The following RIMS2 variants were observed in gnomAD, a reference collection of about 807,000 sequenced individuals.
RIMS2 encodes the protein regulating synaptic membrane exocytosis protein 2.
Under a neutral mutation model 174.4 loss-of-function variants are expected in RIMS2, and 59 were observed. That is an observed-to-expected ratio of 0.34 (90% CI 0.27 to 0.42). The LOEUF (loss-of-function observed/expected upper bound fraction) is 0.42, where lower values mean the gene tolerates loss of function less well. Ranked by LOEUF, RIMS2 falls within the 10% of genes least tolerant of loss-of-function variation. The pLI is 1.00. For missense variants in RIMS2, 1,620 were observed against 1,666.3 expected (o/e 0.97, Z 0.48); for synonymous variants, 606 against 572.5 (o/e 1.06, Z -0.84).
chr8:103,599,107 C>A (rs1407354985), intron 1 of RIMS2, among the ~76,000 whole-genome samples: 4 of 152,020 alleles, frequency 2.6e-5, no homozygotes, highest in African/African-American at 7.2e-5. Flanking sequence ...CTTCTCCTTC[C>A]TCTTTTTTTC....
intron 3 of RIMS2, among the ~76,000 whole-genome samples, chr8:103,877,886 G>T (rs2099148853): frequency 6.6e-6 from 1 of 151,732 alleles, no homozygotes; most frequent in African/African-American, 2.4e-5. Flanking sequence ...TTATCCATTT[G>T]TTTGTGTCAT....
chr8:104,030,506 C>T (rs2096367186), intron 19 of RIMS2, among the ~76,000 whole-genome samples: 1 of 152,116 alleles, frequency 6.6e-6, no homozygotes, highest in Non-Finnish European at 1.5e-5. Flanking sequence ...CTATAAGGCC[C>T]TACATGACCT....
intron 1 of RIMS2, among the ~76,000 whole-genome samples, chr8:103,603,300 A>G (rs2094857698): frequency 6.6e-6 from 1 of 151,582 alleles, no homozygotes; most frequent in Non-Finnish European, 1.5e-5. Context: ...TTCCAATTTC[A>G]TCCATGTCCC....
intron 1 of RIMS2, among the ~76,000 whole-genome samples, chr8:103,585,650 C>T (rs983230937): frequency 2.6e-5 from 4 of 151,942 alleles, no homozygotes; most frequent in African/African-American, 9.7e-5. Flanking sequence ...CCAAACACCA[C>T]ATGTTCTCAT....
intron 19 of RIMS2, among the ~76,000 whole-genome samples, chr8:104,202,849 G>A (rs1318902269): frequency 6.6e-6 from 1 of 152,170 alleles, no homozygotes; most frequent in Non-Finnish European, 1.5e-5. Flanking sequence ...CATAACACAT[G>A]TGAAGAGATA....
intron 12 of RIMS2, among the ~76,000 whole-genome samples, chr8:103,933,713 G>T (rs1179308668): frequency 6.6e-6 from 1 of 152,076 alleles, no homozygotes; most frequent in East Asian, 1.9e-4. Context: ...TTGTGTCAAG[G>T]TTTCATCTGT....
intron 19 of RIMS2, among the ~76,000 whole-genome samples, chr8:104,157,652 T>C (rs1159851923): frequency 1.3e-5 from 2 of 152,196 alleles, no homozygotes; most frequent in Non-Finnish European, 2.9e-5. Flanking sequence ...TGCTTCTTTT[T>C]TAAGGCTGAA....
chr8:103,535,301 T>G (rs1236013419), intron 1 of RIMS2, among the ~76,000 whole-genome samples: 1 of 152,216 alleles, frequency 6.6e-6, no homozygotes, highest in East Asian at 1.9e-4. Context: ...TCGATTGCCC[T>G]TAATTATTTC....
chr8:103,667,570 A>G (rs571557009), intron 1 of RIMS2, among the ~76,000 whole-genome samples: 17 of 152,338 alleles, frequency 1.1e-4, no homozygotes, highest in African/African-American at 2.9e-4. Context: ...TCTTTCATGT[A>G]TCAAAGCATA....
chr8:104,146,348 T>C, intron 19 of RIMS2, among the ~76,000 whole-genome samples: 1 of 151,590 alleles, frequency 6.6e-6, no homozygotes, highest in South Asian at 2.1e-4. Flanking sequence ...CACTGCACCC[T>C]AGCCTGGGTG....
At chr8:103,531,136 C>G (rs1836877553) in intron 1 of RIMS2, among the ~76,000 whole-genome samples, 1 of 151,796 alleles carries the variant, frequency 6.6e-6, no homozygotes, top group South Asian at 2.1e-4. Flanking sequence ...CTGGACTTTA[C>G]CAGCATATAC....
intron 17 of RIMS2, among the ~76,000 whole-genome samples, chr8:104,006,444 G>A (rs2095578890): frequency 6.6e-6 from 1 of 152,060 alleles, no homozygotes; most frequent in Non-Finnish European, 1.5e-5. Flanking sequence ...CAGCTGCTCA[G>A]GAGGCTGAGG....
chr8:103,766,261 A>G, exon 3 of RIMS2: 2 of 1,613,452 alleles, frequency 1.2e-6, no homozygotes, highest in Non-Finnish European at 1.7e-6. Flanking sequence ...CGAAAACAAC[A>G]AGAAATCCTC....
intron 4 of RIMS2, among the ~76,000 whole-genome samples, chr8:103,909,622 A>C (rs1022988314): frequency 6.6e-6 from 1 of 152,124 alleles, no homozygotes; most frequent in South Asian, 2.1e-4. Flanking sequence ...AGGTTTTAGC[A>C]TGATGAAGAA....
chr8:103,701,756 G>C (rs746698682), intron 2 of RIMS2, among the ~76,000 whole-genome samples: 1 of 151,980 alleles, frequency 6.6e-6, no homozygotes, highest in Non-Finnish European at 1.5e-5. Context: ...CACTGCAAAT[G>C]ACAGAATTTT....
At chr8:104,093,584 C>T in intron 19 of RIMS2, 1 of 1,597,570 alleles carries the variant, frequency 6.3e-7, no homozygotes, top group Non-Finnish European at 8.5e-7. Flanking sequence ...CTTCTCGTTT[C>T]AGCAGCACAA....
intron 9 of RIMS2, chr8:103,921,034 AACAACAAC>A: frequency 4.4e-6 from 1 of 229,662 alleles, no homozygotes; most frequent in Non-Finnish European, 8.6e-6. Context: ...CAACAACAAC[AACAACAAC>A]AACAAAAACA....
At chr8:104,084,588 C>T (rs759052722) in intron 19 of RIMS2, among the ~76,000 whole-genome samples, 10 of 151,660 alleles carry the variant, frequency 6.6e-5, no homozygotes, top group Admixed American at 4.6e-4. Context: ...TTTTATGAGA[C>T]GTGCAATTAA....
intron 1 of RIMS2, among the ~76,000 whole-genome samples, chr8:103,519,204 C>T (rs1830465360): frequency 6.6e-6 from 1 of 151,916 alleles, no homozygotes; most frequent in South Asian, 2.1e-4. Flanking sequence ...TACTATATAT[C>T]CTGAAATATT....
Sources: allele counts gnomAD v4.1 joint callset (sites outside exome capture counted in the v4.1 genomes callset), GRCh38; gene constraint gnomAD v4.1.1; transcripts MANE v1.5; gene names NCBI Gene and HGNC (gene_info 2026-07-23, HGNC 2026-07-21).